SYT7: variants seen among roughly 807,000 people sequenced by gnomAD.
The protein encoded by SYT7 is synaptotagmin 7.
SYT7 carries 29 observed loss-of-function variants against 75.1 expected under a neutral mutation model. The ratio of observed to expected loss-of-function variants is 0.39; its 90% CI spans 0.29 to 0.53. The LOEUF (loss-of-function observed/expected upper bound fraction) is 0.53. SYT7 is among the 20% of genes least tolerant of loss of function. The pLI, the probability that SYT7 is intolerant of heterozygous loss-of-function variation, is 0.77. For synonymous variants in SYT7, 376 were observed against 401.7 expected, an observed-to-expected ratio of 0.94 and a Z score of 0.76; for missense variants, 693 against 953.2, an observed-to-expected ratio of 0.73 and a Z score of 3.59.
At chr11:61,535,763 G>A (rs2062852123) in intron 7 of SYT7, among the ~76,000 whole-genome samples, 1 of 152,184 alleles carries the variant, frequency 6.6e-6, no homozygotes. Context: ...CAGACCAAGG[G>A]GGCTGAGTGT....
intron 7 of SYT7, among the ~76,000 whole-genome samples, chr11:61,534,470 T>C (rs1201683293): frequency 4.7e-5 from 7 of 150,224 alleles, no homozygotes; most frequent in African/African-American, 1.7e-4. Context: ...CGTGCATATG[T>C]ACACACACAC....
Position 61,518,659 on chromosome 11 carries a change from G to C in SYT7, c.2029C>G (p.Pro677Ala). The change falls in exon 13 of 13, where the codon CCC becomes GCC. Residue 677 changes from proline to alanine, a missense_variant. By Grantham distance (27) the Pro-to-Ala change is conservative. Coordinates refer to ENST00000539008, the MANE Select transcript of SYT7 (RefSeq NM_001365809.2). Reference sequence around the variant, plus strand: ...TTCAGCTGGTGCCACTGGGCCACGGGCTGCCGGGGACGGGCAATCATGTCC... The same window carrying C: ...TTCAGCTGGTGCCACTGGGCCACGGCCTGCCGGGGACGGGCAATCATGTCC... The part of the protein sequence containing the change: ...WKDMIARPRQ[P>A]VAQWHQLKA The C allele has an allele frequency of 6.5e-7, 1 of 1,549,240 alleles. No homozygotes were observed. Among genetic ancestry groups the C allele is most frequent in the Non-Finnish European group, 8.7e-7 (1 of 1,145,822 alleles).
Position 61,518,443 on chromosome 11 carries a change from T to G in SYT7, c.*184A>C. On this transcript the variant is annotated 3_prime_UTR_variant, in exon 13 of 13. Transcript: ENST00000539008. ...GAGCCCCTTCCCCGGAGCTGGACTG[T>G]GGGGGATGGGGCTGGTACTTCCTAG... The G allele has an allele frequency of 2.2e-6, 1 of 453,786 alleles. No homozygotes were observed. The highest frequency in any genetic ancestry group is 3.4e-5 in the East Asian group (1 of 29,432). The allele number at this position is 453,786 out of a possible 1,614,324, so 28.1% of individuals were successfully genotyped here. A position where few individuals can be genotyped will look rare whatever the true frequency, so the allele number is the denominator to read the frequency against.
chr11:61,569,974 G>A (rs2063877898), intron 1 of SYT7, among the ~76,000 whole-genome samples: 1 of 152,234 alleles, frequency 6.6e-6, no homozygotes, highest in South Asian at 2.1e-4. Context: ...ACTCACCCGG[G>A]GCAGCCAGCT....
At chr11:61,529,780 G>C (rs2062647080) in intron 8 of SYT7, among the ~76,000 whole-genome samples, 1 of 152,190 alleles carries the variant, frequency 6.6e-6, no homozygotes, top group South Asian at 2.1e-4. Context: ...GACCACAGGG[G>C]CGTGCCACTA....
Position 61,542,252 on chromosome 11 carries a change from C to T in SYT7, c.900G>A (p.Val300=). The change falls in exon 6 of 13, where the codon GTG becomes GTA. Residue 300 remains valine (V), a synonymous_variant. Coordinates refer to ENST00000539008, the MANE Select transcript of SYT7 (RefSeq NM_001365809.2). The surrounding 1 kb of genome is among the most constrained non-coding windows in gnomAD (Gnocchi z 7.8). ...RSNPGSWDHV[V]GQIRNRGLDM... ...CCAAGCCTCGGTTTCGAATCTGCCC[C>T]ACCACGTGGTCCCAGCTGCCTGGGT... 6.5e-7 allele frequency: 1 copy of T among 1,535,216 alleles called. No individual in the cohort carries two copies. Among genetic ancestry groups the T allele is most frequent in the Non-Finnish European group, 8.7e-7 (1 of 1,146,474 alleles).
chr11:61,525,959 G>A (rs2062501006), intron 9 of SYT7: 1 of 152,436 alleles, frequency 6.6e-6, no homozygotes. Flanking sequence ...CTTAGTCAGA[G>A]GTGGGACTGG....
chr11:61,558,477 T>C, intron 1 of SYT7, among the ~76,000 whole-genome samples: 1 of 137,474 alleles, frequency 7.3e-6, no homozygotes, highest in East Asian at 2.1e-4. Context: ...TTCAAAAAAA[T>C]ATATATATAC....
Position 61,546,753 on chromosome 11 carries a change from G to A in SYT7, c.347+424C>T, listed in dbSNP as rs1295400524. On this transcript the variant is annotated intron_variant, in intron 4 of 12. Coordinates refer to ENST00000539008, the MANE Select transcript of SYT7 (RefSeq NM_001365809.2). This position sits in a 1 kb window ranked among gnomAD's most constrained non-coding sequence, Gnocchi z 7.6. ...CACCACCACCATCACCGCCACCACC[G>A]CCACGAACCACCGACCACCGACCAC... The A allele has an allele frequency of 1.4e-5, 6 of 421,142 alleles. No homozygotes were observed. The highest frequency in any genetic ancestry group is 2.4e-5 in the Non-Finnish European group (5 of 211,144). 26.1% of individuals were successfully genotyped at this position (421,142 alleles called of 1,614,324 possible).
chr11:61,561,858 T>G (rs530503016), intron 1 of SYT7, among the ~76,000 whole-genome samples: 107 of 151,734 alleles, frequency 7.1e-4, no homozygotes, highest in Non-Finnish European at 7.5e-4. Context: ...ACACGGGGGG[T>G]GCTCAGCAAA....
rs2063191742 is a variant in SYT7, at chr11:61,546,427, G to A, written c.348-172C>T. 1 of 568,892 alleles carries A rather than the reference G, an allele frequency of 1.8e-6. No individual in the cohort carries two copies. The highest frequency in any genetic ancestry group is 3.1e-6 in the Non-Finnish European group (1 of 323,152). 35.2% of individuals were successfully genotyped at this position (568,892 alleles called of 1,614,324 possible). A position where few individuals can be genotyped will look rare whatever the true frequency, so the allele number is the denominator to read the frequency against. On this transcript the variant is annotated intron_variant, in intron 4 of 12. Transcript: ENST00000539008. The surrounding 1 kb of genome is among the most constrained non-coding windows in gnomAD (Gnocchi z 7.6). The stretch of plus-strand genomic sequence containing the variant: ...GGAGGAGAGAGACAGACGGACATGA[G>A]ACAGACAGAGAGAGAGAGAGAGACA...
Position 61,532,992 on chromosome 11 carries a change from G to A in SYT7, c.1197C>T (p.Leu399=), listed in dbSNP as rs375641722. ...GCGCAGGCTCCCTCATTCTCACCAT[G>A]AGCATCTCGCTGGTGAGGGAGTTGA... The part of the protein sequence containing the change: ...DLVNSLTSEM[L]MLSPGSEEDE... The change falls in exon 8 of 13, where the codon CTC becomes CTT. Residue 399 remains leucine, a synonymous_variant. Coordinates refer to ENST00000539008, the MANE Select transcript of SYT7 (RefSeq NM_001365809.2). 1.1e-5 allele frequency: 17 copies of A among 1,613,236 alleles called. No homozygotes were observed. The South Asian group carries it at 1.8e-4, about 17-fold the overall frequency.
Position 61,527,994 on chromosome 11 carries a change from G to T in SYT7, c.1392C>A (p.Pro464=), listed in dbSNP as rs566204164. 1 of 1,614,154 alleles carries T rather than the reference G, an allele frequency of 6.2e-7. No individual in the cohort carries two copies. The highest frequency in any genetic ancestry group is 1.1e-5 in the South Asian group (1 of 91,074). ...TGGTCTCCAGCTTGTGCTTCTTGTC[G>T]GGCAGCAGGTAGATCTTGACGAAGG... ...SDPFVKIYLL[P]DKKHKLETKV... Residue 464 remains proline, a synonymous_variant, in exon 9 of 13, where the codon CCC becomes CCA. Coordinates refer to ENST00000539008, the MANE Select transcript of SYT7 (RefSeq NM_001365809.2).
At chr11:61,550,554 G>T (rs2063319215) in intron 3 of SYT7, among the ~76,000 whole-genome samples, 1 of 152,156 alleles carries the variant, frequency 6.6e-6, no homozygotes, top group African/African-American at 2.4e-5. Context: ...TCCAGGCCAG[G>T]CTGAGATGTG....
chr11:61,534,432 C>A (rs963407625), intron 7 of SYT7, among the ~76,000 whole-genome samples: 1 of 4,846 alleles, frequency 2.1e-4, no homozygotes, highest in African/African-American at 6.1e-4. Context: ...CGCATACACA[C>A]ACGCACACGC....
chr11:61,558,602 C>A (rs1438629449), intron 1 of SYT7, among the ~76,000 whole-genome samples: 1 of 152,110 alleles, frequency 6.6e-6, no homozygotes, highest in Non-Finnish European at 1.5e-5. Flanking sequence ...GGAACTACCA[C>A]TCCAGTGGGG....
chr11:61,533,088 G>T lies in SYT7; in HGVS notation c.1101C>A (p.Pro367=). 1 of 1,609,540 alleles carries T rather than the reference G, an allele frequency of 6.2e-7. No individual in the cohort carries two copies. ...CATCGTGGGGTGTCTGGCCTGGCACGGGGGCTGTGTTCACCGCCTTCCCTC... is the reference window on the plus strand; with the variant it reads ...CATCGTGGGGTGTCTGGCCTGGCACTGGGGCTGTGTTCACCGCCTTCCCTC... ...PAGGKAVNTA[P]VPGQTPHDES... is the part of the protein sequence containing the mutation. Residue 367 remains proline, a synonymous_variant, in exon 8 of 13, where the codon CCC becomes CCA. Transcript: ENST00000539008.
At chr11:61,578,502 A>G (rs2064147667) in intron 1 of SYT7, among the ~76,000 whole-genome samples, 1 of 151,960 alleles carries the variant, frequency 6.6e-6, no homozygotes, top group African/African-American at 2.4e-5. Flanking sequence ...ATCAATTTGC[A>G]TATCTCAGTA....
upstream of SYT7, chr11:61,581,116 T>TGTGTGTGTGAGC (rs991718735): frequency 5.0e-6 from 1 of 200,538 alleles, no homozygotes; most frequent in Non-Finnish European, 8.6e-6. Context: ...CGTGTGTATG[T>TGTGTGTGTGAGC]GTGTGTGTGA....
Sources: allele counts gnomAD v4.1 joint callset (sites outside exome capture counted in the v4.1 genomes callset), GRCh38; gene constraint gnomAD v4.1.1; non-coding constraint Gnocchi (gnomAD v3.1); transcripts MANE v1.5; gene names NCBI Gene and HGNC (gene_info 2026-07-23, HGNC 2026-07-21).